Variants in IER3IP1 observed in about 807,000 individuals in gnomAD.
IER3IP1 encodes immediate early response 3 interacting protein 1.
In IER3IP1, 16 loss-of-function variants were observed where a neutral mutation model predicts 12.2. That is an observed-to-expected ratio of 1.31 (90% CI 0.89 to 1.99). The LOEUF is 1.99. Ranked by LOEUF, IER3IP1 falls within the 30% of genes most tolerant of loss-of-function variation. The probability of loss-of-function intolerance (pLI) is 0.00; values close to 1 mark genes in which losing one functional copy is unlikely to be tolerated. For missense variants in IER3IP1, 95 were observed against 95.8 expected (o/e 0.99, Z 0.03); for synonymous variants, 42 against 40.0 (o/e 1.05, Z -0.19).
intron 1 of IER3IP1, among the ~76,000 whole-genome samples, chr18:47,163,313 A>C (rs1368384570): frequency 6.6e-6 from 1 of 152,218 alleles, no homozygotes; most frequent in Non-Finnish European, 1.5e-5. Context: ...GACAACTGCT[A>C]AGTGACTAAC....
At chr18:47,173,762 G>A (rs1026015297) in intron 1 of IER3IP1, among the ~76,000 whole-genome samples, 8 of 152,212 alleles carry the variant, frequency 5.3e-5, no homozygotes, top group Non-Finnish European at 1.0e-4. Context: ...AAATCAAGGC[G>A]TAAGCAGGGT....
At chr18:47,157,381 C>T in intron 2 of IER3IP1, 55 bp downstream of exon 2, 1 of 1,462,522 alleles carries the variant, frequency 6.8e-7, no homozygotes, top group Non-Finnish European at 9.6e-7. Flanking sequence ...AGAAGCCTTG[C>T]TACTTAAACC....
chr18:47,161,950 T>C (rs189570917), intron 1 of IER3IP1, among the ~76,000 whole-genome samples: 38 of 151,986 alleles, frequency 2.5e-4, no homozygotes, highest in African/African-American at 9.2e-4. Context: ...ATCCCTAGCA[T>C]GCACAGTTCA....
chr18:47,160,509 C>T (rs930220438), intron 1 of IER3IP1, among the ~76,000 whole-genome samples: 1 of 152,226 alleles, frequency 6.6e-6, no homozygotes, highest in Non-Finnish European at 1.5e-5. Flanking sequence ...GTTTTCACCA[C>T]TGCAGCATCT....
chr18:47,176,310 T>G lies in IER3IP1; in HGVS notation c.-33A>C, dbSNP rs1333501017. The G allele has an allele frequency of 6.4e-7, 1 of 1,559,894 alleles. No individual in the cohort carries two copies. Among genetic ancestry groups the G allele is most frequent in the Non-Finnish European group, 8.7e-7 (1 of 1,145,674 alleles). ...CGAGGCCGCCCCGAAGTCCAAGCGA[T>G]TTCTCTCCCGCCGCCGCAAGGGACG... On this transcript the variant is annotated 5_prime_UTR_variant, in exon 1 of 3. Transcript: ENST00000256433.
intron 2 of IER3IP1, among the ~76,000 whole-genome samples, chr18:47,156,469 AT>A (rs1396406399): frequency 6.6e-6 from 1 of 152,302 alleles, no homozygotes; most frequent in Admixed American, 6.5e-5. Flanking sequence ...AGCTAGATCA[AT>A]GTGAAACATC....
At chr18:47,161,898 G>T (rs969247402) in intron 1 of IER3IP1, among the ~76,000 whole-genome samples, 1 of 151,496 alleles carries the variant, frequency 6.6e-6, no homozygotes, top group African/African-American at 2.4e-5. Flanking sequence ...GACAGTGATA[G>T]ATCATCAGGC....
At chr18:47,165,506 T>A (rs574945439) in intron 1 of IER3IP1, among the ~76,000 whole-genome samples, 1 of 147,518 alleles carries the variant, frequency 6.8e-6, no homozygotes, top group Admixed American at 6.9e-5. Context: ...TGAGCTGAGA[T>A]AGTGCCACTG....
Position 47,171,503 on chromosome 18 carries a change from A to G in IER3IP1, c.91+4684T>C, listed in dbSNP as rs1043796365. Among the ~76,000 whole-genome samples the G allele has an allele frequency of 3.3e-5, 5 of 152,320 alleles. No individual in the cohort carries two copies. In the East Asian group the frequency reaches 7.7e-4, roughly 24 times the overall value. On this transcript the variant is annotated intron_variant, in intron 1 of 2. Coordinates refer to ENST00000256433, the MANE Select transcript of IER3IP1 (RefSeq NM_016097.5). ...GCAATGCTGAAGGCTTGACTTCATG[A>G]GAAGTTTTTAAATTATTCATTATCT...
intron 1 of IER3IP1, among the ~76,000 whole-genome samples, chr18:47,160,586 C>A (rs1055803263): frequency 1.3e-5 from 2 of 152,180 alleles, no homozygotes; most frequent in Non-Finnish European, 2.9e-5. Flanking sequence ...GGTAATAGTT[C>A]CGCCTAACAT....
chr18:47,174,223 C>A (rs145108149), intron 1 of IER3IP1, among the ~76,000 whole-genome samples: 8 of 152,284 alleles, frequency 5.3e-5, no homozygotes, highest in African/African-American at 1.9e-4. Flanking sequence ...TGTGTTCTTA[C>A]AAAAGCCACC....
rs139059499 is a variant in IER3IP1 at position 47,157,445 on chromosome 18, C to T, written c.184G>A (p.Val62Met). 5.6e-6 allele frequency: 9 copies of T among 1,613,436 alleles called. No homozygotes were observed. The highest frequency in any genetic ancestry group is 7.6e-6 in the Non-Finnish European group (9 of 1,179,420). The change falls in exon 2 of 3, where the codon GTG (valine) becomes ATG (methionine). Residue 62 changes from valine to methionine, a missense_variant. Transcript: ENST00000256433. ...TAGCTTTTCTTCTTACCTCTCATCA[C>T]GGTTCTTACAGATCGAATAAGGTTC... ...LMNLIRSVRT[V>M]MRVPLIIVNS...
intron 1 of IER3IP1, among the ~76,000 whole-genome samples, chr18:47,166,214 C>T (rs961702307): frequency 6.6e-6 from 1 of 152,022 alleles, no homozygotes; most frequent in African/African-American, 2.4e-5. Flanking sequence ...TATAAGAATA[C>T]ACATATCCCT....
chr18:47,157,455 A>G lies in IER3IP1; in HGVS notation c.174T>C (p.Ser58=), dbSNP rs1216249501. Residue 58 remains serine, a synonymous_variant, in exon 2 of 3, where the codon TCT becomes TCC. Transcript: ENST00000256433. The stretch of plus-strand genomic sequence containing the variant: ...TCTTACCTCTCATCACGGTTCTTAC[A>G]GATCGAATAAGGTTCATTAGCTGTG... ...IKSQLMNLIR[S]VRTVMRVPLI... 6.2e-7 allele frequency: 1 copy of G among 1,613,974 alleles called. No individual in the cohort carries two copies. The highest frequency in any genetic ancestry group is 1.7e-5 in the Admixed American group (1 of 60,032).
At chr18:47,168,948 T>G (rs2144435588) in intron 1 of IER3IP1, among the ~76,000 whole-genome samples, 1 of 152,326 alleles carries the variant, frequency 6.6e-6, no homozygotes, top group East Asian at 1.9e-4. Flanking sequence ...TCTGGATACC[T>G]TACAATTCAT....
intron 1 of IER3IP1, among the ~76,000 whole-genome samples, chr18:47,167,114 A>G (rs1179599203): frequency 2.6e-5 from 4 of 151,852 alleles, no homozygotes; most frequent in Admixed American, 2.0e-4. Context: ...CCAGTGGCGC[A>G]GTGTCAGCTC....
At chr18:47,166,340 G>A (rs2063995911) in intron 1 of IER3IP1, among the ~76,000 whole-genome samples, 1 of 152,190 alleles carries the variant, frequency 6.6e-6, no homozygotes, top group South Asian at 2.1e-4. Flanking sequence ...GGCCTCGACA[G>A]AAAAGAAACT....
At chr18:47,163,271 T>G (rs77599321) in intron 1 of IER3IP1, among the ~76,000 whole-genome samples, 1 of 152,094 alleles carries the variant, frequency 6.6e-6, no homozygotes, top group African/African-American at 2.4e-5. Flanking sequence ...ACATAAGCAC[T>G]GCGATATTAC....
intron 1 of IER3IP1, among the ~76,000 whole-genome samples, chr18:47,165,084 A>G (rs567370181): frequency 2.0e-5 from 3 of 152,330 alleles, no homozygotes; most frequent in African/African-American, 7.2e-5. Flanking sequence ...GCTGACCCTG[A>G]GCAGATCTCA....
Sources: allele counts gnomAD v4.1 joint callset (sites outside exome capture counted in the v4.1 genomes callset), GRCh38; gene constraint gnomAD v4.1.1; transcripts MANE v1.5; gene names NCBI Gene and HGNC (gene_info 2026-07-23, HGNC 2026-07-21).